LRRC4C: variants seen among roughly 807,000 people sequenced by gnomAD.
The protein encoded by LRRC4C is leucine-rich repeat-containing protein 4C.
Under a neutral mutation model 33.6 loss-of-function variants are expected in LRRC4C, and 5 were observed. The ratio of observed to expected loss-of-function variants is 0.15; its 90% CI spans 0.08 to 0.31. LRRC4C has a LOEUF of 0.31. Among genes scored for constraint, LRRC4C ranks in the 10% least tolerant of loss-of-function variants. LRRC4C has a pLI of 1.00. For synonymous variants in LRRC4C, 329 were observed against 302.0 expected, an observed-to-expected ratio of 1.09 and a Z score of -0.93; for missense variants, 560 against 796.7, an observed-to-expected ratio of 0.70 and a Z score of 3.58.
Position 41,222,762 on chromosome 11 carries a change from A to T in LRRC4C, c.-496+236669T>A, listed in dbSNP as rs1323740481. 2.1e-5 allele frequency: 3 copies of T among 144,674 alleles called. No homozygotes were observed. The Admixed American group carries it at 2.2e-4, about 11-fold the overall frequency. The allele number at this position is 144,674 out of a possible 1,614,324, so 9.0% of individuals were successfully genotyped here. On this transcript the variant is annotated intron_variant, in intron 1 of 6. Coordinates refer to ENST00000528697, the MANE Select transcript of LRRC4C (RefSeq NM_001258419.2). ...CCCATGACAGACATTTGCCCACCAG[A>T]TCCTTGTACAACTGGTATGGAGAAA...
chr11:41,437,419 G>GCACACA (rs1212085301), intron 1 of LRRC4C, among the ~76,000 whole-genome samples: 7 of 64,330 alleles, frequency 1.1e-4, no homozygotes, highest in African/African-American at 1.7e-4. Flanking sequence ...AAACGCGCGC[G>GCACACA]CGCGCGCACA....
At chr11:40,696,810 A>G (rs1156313999) in intron 2 of LRRC4C, among the ~76,000 whole-genome samples, 1 of 145,768 alleles carries the variant, frequency 6.9e-6, no homozygotes, top group Non-Finnish European at 1.5e-5. Flanking sequence ...ACCATTTTAA[A>G]TTAGTGCCTT....
At chr11:40,408,065 A>G (rs1950023056) in intron 3 of LRRC4C, among the ~76,000 whole-genome samples, 1 of 152,030 alleles carries the variant, frequency 6.6e-6, no homozygotes, top group Non-Finnish European at 1.5e-5. Flanking sequence ...TCTTTGTATT[A>G]AAACCCTACA....
At chr11:40,305,224 T>C (rs1254267817) in intron 4 of LRRC4C, among the ~76,000 whole-genome samples, 1 of 152,200 alleles carries the variant, frequency 6.6e-6, no homozygotes, top group Non-Finnish European at 1.5e-5. Context: ...CTCAAGCAAC[T>C]CAATTGGCTA....
rs112519357 is a variant in LRRC4C at position 41,246,882 on chromosome 11, G to A, written c.-496+212549C>T. Among the ~76,000 whole-genome samples the A allele has an allele frequency of 5.4e-3, 817 of 152,232 alleles. 4 individuals are homozygous for A. Among genetic ancestry groups the A allele is most frequent in the African/African-American group, 0.018 (730 of 41,534 alleles). ...ACAGGCACTATTTTGTGTTTCATTC[G>A]GGTAGAGAAATTCTGAATTATAAGA... On this transcript the variant is annotated intron_variant, in intron 1 of 6. Transcript: ENST00000528697.
chr11:40,620,778 TA>T (rs1406952123), intron 3 of LRRC4C, among the ~76,000 whole-genome samples: 1 of 151,852 alleles, frequency 6.6e-6, no homozygotes, highest in African/African-American at 2.4e-5. Flanking sequence ...TTGCAGTCAC[TA>T]ATGTTTGCAT....
intron 3 of LRRC4C, among the ~76,000 whole-genome samples, chr11:40,515,095 T>C (rs998182114): frequency 1.3e-5 from 2 of 152,144 alleles, no homozygotes; most frequent in Non-Finnish European, 2.9e-5. Flanking sequence ...TTTCATATTC[T>C]CAAACAAAAC....
intron 1 of LRRC4C, among the ~76,000 whole-genome samples, chr11:41,229,933 T>G (rs2136450806): frequency 6.6e-6 from 1 of 152,262 alleles, no homozygotes; most frequent in Admixed American, 6.5e-5. Flanking sequence ...CTAAAATATT[T>G]CTTTCATAAT....
At chr11:41,245,782 G>T (rs936083865) in intron 1 of LRRC4C, among the ~76,000 whole-genome samples, 3 of 152,216 alleles carry the variant, frequency 2.0e-5, no homozygotes, top group African/African-American at 7.2e-5. Context: ...ACGCGGACAA[G>T]TGGAGGGTGG....
At chr11:40,506,379 A>G (rs534138181) in intron 3 of LRRC4C, among the ~76,000 whole-genome samples, 1 of 152,270 alleles carries the variant, frequency 6.6e-6, no homozygotes, top group East Asian at 1.9e-4. Context: ...CTGAATGAAA[A>G]CTTGTCATTT....
chr11:41,427,550 G>A (rs1275938482), intron 1 of LRRC4C, among the ~76,000 whole-genome samples: 1 of 152,130 alleles, frequency 6.6e-6, no homozygotes, highest in Non-Finnish European at 1.5e-5. Context: ...TTTAAGCCAA[G>A]AGCTGAGTGA....
intron 3 of LRRC4C, among the ~76,000 whole-genome samples, chr11:40,439,981 A>G (rs1287435791): frequency 6.6e-6 from 1 of 152,156 alleles, no homozygotes; most frequent in Non-Finnish European, 1.5e-5. Context: ...CAACCACCCC[A>G]ATTTGTTTAT....
chr11:40,544,682 A>T (rs111708914), intron 3 of LRRC4C, among the ~76,000 whole-genome samples: 9,472 of 152,172 alleles, frequency 0.062, 404 homozygotes, highest in Non-Finnish European at 0.086. Context: ...AAGAAAATCC[A>T]TTATTTAGTT....
At chr11:41,207,075 C>A (rs1590933890) in intron 1 of LRRC4C, among the ~76,000 whole-genome samples, 1 of 152,006 alleles carries the variant, frequency 6.6e-6, no homozygotes, top group Admixed American at 6.6e-5. Flanking sequence ...GCTTAAAATG[C>A]CAGTACCCAG....
chr11:41,006,249 T>G (rs7106119), intron 1 of LRRC4C, among the ~76,000 whole-genome samples: 55,998 of 152,044 alleles, frequency 0.37, 11,314 homozygotes, highest in East Asian at 0.52. Context: ...TTCTTCTGAT[T>G]GCTTCAGTTT....
At chr11:40,554,347 G>A (rs944536129) in intron 3 of LRRC4C, among the ~76,000 whole-genome samples, 1 of 152,184 alleles carries the variant, frequency 6.6e-6, no homozygotes, top group African/African-American at 2.4e-5. Context: ...TATGCTAAAA[G>A]TGTAGCATGC....
chr11:41,142,848 A>G (rs1448850637), intron 1 of LRRC4C, among the ~76,000 whole-genome samples: 1 of 152,190 alleles, frequency 6.6e-6, no homozygotes, highest in African/African-American at 2.4e-5. Context: ...GTAATTACTT[A>G]CACAAATATA....
chr11:40,427,783 T>C, intron 3 of LRRC4C, among the ~76,000 whole-genome samples: 1 of 152,130 alleles, frequency 6.6e-6, no homozygotes, highest in African/African-American at 2.4e-5. Context: ...TGAACCATGA[T>C]TGTGTCACTG....
intron 1 of LRRC4C, among the ~76,000 whole-genome samples, chr11:41,424,810 T>A (rs1954984790): frequency 6.6e-6 from 1 of 152,092 alleles, no homozygotes; most frequent in South Asian, 2.1e-4. Flanking sequence ...ATATTTAGTG[T>A]CATGCTTCCC....
Sources: gnomAD v4.1 joint callset for allele counts (sites outside exome capture counted in the v4.1 genomes callset) on GRCh38, gnomAD v4.1.1 for gene constraint, MANE v1.5 for transcripts, NCBI Gene and HGNC (gene_info 2026-07-23, HGNC 2026-07-21) for gene names.